Variants in DCDC2C observed in about 807,000 individuals in gnomAD.
DCDC2C encodes the protein doublecortin domain containing 2C.
A neutral mutation model predicts 45.0 loss-of-function variants in DCDC2C; 44 were observed. That is an observed-to-expected ratio of 0.98 (90% CI 0.77 to 1.26). The LOEUF is 1.26. Ranked by LOEUF, DCDC2C falls within the 50% of genes most tolerant of loss-of-function variation. The pLI is 0.00. For synonymous variants in DCDC2C, 187 were observed against 178.8 expected (o/e 1.05, Z -0.37); for missense variants, 447 against 468.9 (o/e 0.95, Z 0.43).
rs146882047 is a variant in DCDC2C, at chr2:3,763,819, C to T, written c.727-3935C>T. ...GCTACCCATGTGTTTCTTTCTGCTG[C>T]GTTCTCCGGGGTAGAACTGTGCTCT... On this transcript the variant is annotated intron_variant, in intron 6 of 10. Transcript: ENST00000399143. 3.8e-3 allele frequency among the ~76,000 whole-genome samples: 581 copies of T among 152,290 alleles called. 3 individuals carry two copies. Among genetic ancestry groups the T allele is most frequent in the African/African-American group, 0.013 (550 of 41,556 alleles).
intron 10 of DCDC2C, among the ~76,000 whole-genome samples, chr2:3,789,327 G>A (rs1056191827): frequency 5.9e-5 from 9 of 152,124 alleles, no homozygotes; most frequent in African/African-American, 2.2e-4. Context: ...CTGAGGACTG[G>A]CTCCTGTGCT....
intron 10 of DCDC2C, among the ~76,000 whole-genome samples, chr2:3,820,808 C>A (rs971574642): frequency 6.6e-6 from 1 of 152,096 alleles, no homozygotes; most frequent in South Asian, 2.1e-4. Flanking sequence ...GACTGCTTAC[C>A]TCATTTGAAA....
In DCDC2C at chr2:3,764,906, G is replaced by A. The variant is rs1043651073; in HGVS notation, c.727-2848G>A. ...ACAATTACAAAATTGGAATATGGAT[G>A]GTAGAATAGATGAAAATACTATATC... On this transcript the variant is annotated intron_variant, in intron 6 of 10. Coordinates refer to ENST00000399143, the MANE Select transcript of DCDC2C (RefSeq NM_001287444.2). 2.0e-5 allele frequency among the ~76,000 whole-genome samples: 3 copies of A among 152,252 alleles called. No individual in the cohort carries two copies. In the South Asian group the frequency reaches 6.2e-4, roughly 32 times the overall value.
chr2:3,782,849 G>T (rs73146812), intron 9 of DCDC2C, among the ~76,000 whole-genome samples: 7,434 of 152,270 alleles, frequency 0.049, 628 homozygotes, highest in African/African-American at 0.17. Context: ...AAGCAGCACT[G>T]TTTAATTTAC....
At chr2:3,767,710 C>T (rs1231879096) in intron 6 of DCDC2C, 44 bp from the exon 7 acceptor site, 4 of 1,546,174 alleles carry the variant, frequency 2.6e-6, no homozygotes, top group South Asian at 1.2e-5. Context: ...CTCCTTGTAT[C>T]CCACTGTTCT....
intron 10 of DCDC2C, among the ~76,000 whole-genome samples, chr2:3,813,068 T>TATATATATATA (rs1491343444): frequency 0.028 from 1,418 of 51,206 alleles, 47 homozygotes; most frequent in Non-Finnish European, 0.033. Context: ...TATATATATA[T>TATATATATATA]TTTTTTTTTT....
At chr2:3,755,342 G>T (rs1318857584) in intron 6 of DCDC2C, among the ~76,000 whole-genome samples, 4 of 147,864 alleles carry the variant, frequency 2.7e-5, no homozygotes, top group Non-Finnish European at 4.5e-5. Context: ...TGCATGTATA[G>T]ATGCATATGT....
chr2:3,767,852 G>A lies in DCDC2C; in HGVS notation c.825G>A (p.Leu275=). The A allele has an allele frequency of 6.5e-7, 1 of 1,541,388 alleles. No homozygotes were observed. The highest frequency in any genetic ancestry group is 8.7e-7 in the Non-Finnish European group (1 of 1,143,990). The change falls in exon 7 of 11, where the codon TTG becomes TTA. Residue 275 remains leucine (L), a synonymous_variant. Coordinates refer to ENST00000399143, the MANE Select transcript of DCDC2C (RefSeq NM_001287444.2). ...YYAKEEKKKT[L]AEPLVQRGAE... ...CCAAAGAAGAAAAGAAGAAAACATT[G>A]GCAGAACCTTTAGTCCAAAGGGGTG...
chr2:3,720,599 A>T (rs1668473297), intron 2 of DCDC2C, among the ~76,000 whole-genome samples: 1 of 152,194 alleles, frequency 6.6e-6, no homozygotes, highest in Admixed American at 6.5e-5. Context: ...TCTCAATGGG[A>T]TGTAGGATTA....
chr2:3,784,988 G>T (rs1317410138), intron 9 of DCDC2C, 71 bp from the exon 10 acceptor site: 3 of 1,097,636 alleles, frequency 2.7e-6, no homozygotes, highest in Admixed American at 8.5e-5. Flanking sequence ...TAGAGGTGGG[G>T]GAGATTAAGG....
intron 6 of DCDC2C, among the ~76,000 whole-genome samples, chr2:3,760,621 C>T (rs758969526): frequency 8.6e-5 from 13 of 151,974 alleles, no homozygotes; most frequent in African/African-American, 2.7e-4. Flanking sequence ...ACATGGGAGT[C>T]GAACAATGAG....
rs1190772841 is a variant in DCDC2C at position 3,796,499 on chromosome 2, G to C, written c.1065+11399G>C. Among the ~76,000 whole-genome samples the C allele has an allele frequency of 7.2e-5, 8 of 111,530 alleles. 1 individual carries two copies. The highest frequency in any genetic ancestry group is 3.0e-4 in the African/African-American group (8 of 26,406). 73.2% of individuals were successfully genotyped at this position (111,530 alleles called of 152,430 possible). A position where few individuals can be genotyped will look rare whatever the true frequency, so the allele number is the denominator to read the frequency against. On this transcript the variant is annotated intron_variant, in intron 10 of 10. Transcript: ENST00000399143. The stretch of plus-strand genomic sequence containing the variant: ...TTGCCCATTCAGTATGATATTGGCT[G>C]TGGGTTTGTCATAGATAGCTCTTAT...
chr2:3,707,186 T>A (rs1472548130), intron 1 of DCDC2C, among the ~76,000 whole-genome samples: 3 of 152,224 alleles, frequency 2.0e-5, no homozygotes, highest in Non-Finnish European at 2.9e-5. Flanking sequence ...TGAGGAACTA[T>A]TTGTCCTTTC....
chr2:3,822,213 G>C (rs547661998), intron 10 of DCDC2C, among the ~76,000 whole-genome samples: 2 of 152,246 alleles, frequency 1.3e-5, no homozygotes, highest in African/African-American at 4.8e-5. Context: ...TTAAATGTTT[G>C]GTAGAATTCA....
chr2:3,756,868 T>C, intron 6 of DCDC2C, among the ~76,000 whole-genome samples: 1 of 152,258 alleles, frequency 6.6e-6, no homozygotes, highest in Non-Finnish European at 1.5e-5. Context: ...TTATTATTTT[T>C]TGTAGCTTCT....
intron 10 of DCDC2C, among the ~76,000 whole-genome samples, chr2:3,831,416 A>G (rs919246278): frequency 6.6e-6 from 1 of 152,222 alleles, no homozygotes; most frequent in Non-Finnish European, 1.5e-5. Flanking sequence ...CAGACTGCAA[A>G]CCTGTACAGT....
chr2:3,721,383 C>G (rs1028525551), intron 2 of DCDC2C, among the ~76,000 whole-genome samples: 1 of 152,088 alleles, frequency 6.6e-6, no homozygotes, highest in African/African-American at 2.4e-5. Flanking sequence ...GAGAGTTGAT[C>G]AAAACAATTT....
chr2:3,725,409 G>GGGAGGAGGC lies in DCDC2C; in HGVS notation c.340-1594_340-1593insGGAGGAGGC, dbSNP rs1558564344. The stretch of plus-strand genomic sequence containing the variant: ...AACATGGAGGGTGTAGGGGCAGAGA[G>GGGAGGAGGC]TGAGGAGGCTGCCAGGTGGATCCCA... On this transcript the variant is annotated intron_variant, in intron 2 of 10. Transcript: ENST00000399143. Among the ~76,000 whole-genome samples the GGGAGGAGGC allele has an allele frequency of 5.1e-3, 489 of 96,184 alleles. 144 individuals are homozygous for GGGAGGAGGC. Among genetic ancestry groups the GGGAGGAGGC allele is most frequent in the Non-Finnish European group, 5.9e-3 (257 of 43,596 alleles). 63.1% of individuals were successfully genotyped at this position (96,184 alleles called of 152,430 possible).
chr2:3,769,569 T>C (rs900820021), intron 8 of DCDC2C, among the ~76,000 whole-genome samples, 158 bp downstream of exon 8: 1 of 152,212 alleles, frequency 6.6e-6, no homozygotes, highest in African/African-American at 2.4e-5. Context: ...TCAGATCCTG[T>C]GTTAAGCATT....
Sources: allele counts gnomAD v4.1 joint callset (sites outside exome capture counted in the v4.1 genomes callset), GRCh38; gene constraint gnomAD v4.1.1; transcripts MANE v1.5; gene names NCBI Gene and HGNC (gene_info 2026-07-23, HGNC 2026-07-21).